The following UMODL1 variants were observed in gnomAD, a reference collection of about 807,000 sequenced individuals.
UMODL1 encodes the protein uromodulin-like 1.
UMODL1 carries 128 observed loss-of-function variants against 136.3 expected under a neutral mutation model. The observed-to-expected ratio is 0.94, with a 90% CI of 0.81 to 1.09. UMODL1 has a LOEUF of 1.09. Ranked by LOEUF, UMODL1 falls within the 50% of genes least tolerant of loss-of-function variation. UMODL1 has a pLI of 0.00. For synonymous variants in UMODL1, 721 were observed against 720.0 expected, an observed-to-expected ratio of 1.00 and a Z score of -0.02; for missense variants, 1,766 against 1,725.6, an observed-to-expected ratio of 1.02 and a Z score of -0.41.
intron 1 of UMODL1, among the ~76,000 whole-genome samples, chr21:42,073,575 C>T (rs879429324): frequency 6.6e-6 from 1 of 152,186 alleles, no homozygotes; most frequent in Non-Finnish European, 1.5e-5. Flanking sequence ...GTGTGTGGTC[C>T]AGCACCTGTG....
intron 1 of UMODL1, among the ~76,000 whole-genome samples, chr21:42,073,003 G>A (rs1330036841): frequency 1.5e-5 from 2 of 135,330 alleles, no homozygotes; most frequent in East Asian, 4.2e-4. Flanking sequence ...TTCCACAGGA[G>A]ATGAGTGTGT....
intron 6 of UMODL1, 78 bp downstream of exon 6, chr21:42,090,516 TACA>T (rs1329199196): frequency 1.3e-6 from 2 of 1,537,330 alleles, no homozygotes; most frequent in Admixed American, 1.8e-5. Flanking sequence ...CAGCAGTGCT[TACA>T]GCTGCAGCAT....
At chr21:42,128,894 G>A (rs886734034) in intron 20 of UMODL1, among the ~76,000 whole-genome samples, 6 of 152,170 alleles carry the variant, frequency 3.9e-5, no homozygotes, top group African/African-American at 1.2e-4. Context: ...CAAACTGAGC[G>A]GCTTAAACAG....
intron 5 of UMODL1, among the ~76,000 whole-genome samples, chr21:42,090,063 C>T (rs1042004596): frequency 3.3e-5 from 5 of 152,192 alleles, no homozygotes; most frequent in Admixed American, 6.5e-5. Flanking sequence ...GTGAGCCAGC[C>T]GCGAGCCCTG....
intron 21 of UMODL1, among the ~76,000 whole-genome samples, chr21:42,132,329 G>C (rs898768517): frequency 4.1e-5 from 6 of 146,394 alleles, no homozygotes; most frequent in Non-Finnish European, 9.0e-5. Context: ...ATCCATCCAT[G>C]TATCCATTGT....
intron 7 of UMODL1, among the ~76,000 whole-genome samples, chr21:42,100,946 T>C (rs1217928920): frequency 1.1e-5 from 1 of 93,758 alleles, no homozygotes; most frequent in African/African-American, 4.2e-5. Flanking sequence ...TCACCCTCCC[T>C]ACCCACCAAC....
chr21:42,074,037 G>T (rs940979227), intron 1 of UMODL1, among the ~76,000 whole-genome samples: 1 of 152,234 alleles, frequency 6.6e-6, no homozygotes, highest in Non-Finnish European at 1.5e-5. Flanking sequence ...ATCCCTGTGT[G>T]CACTGGCTAG....
In UMODL1 at chr21:42,076,214, G is replaced by A; in HGVS notation, c.286G>A (p.Gly96Ser). Residue 96 changes from glycine (G) to serine (S), a missense_variant, in exon 2 of 23, where the codon GGC (glycine) becomes AGC (serine). Transcript: ENST00000408910. ...ESRNVTDCCEGYEQLGLYCVL... is the reference protein window; with the variant it reads ...ESRNVTDCCESYEQLGLYCVL... Reference sequence around the variant, plus strand: ...CAGGAACGTGACTGACTGCTGTGAGGGCTATGAACAGCTCGGCCTCTACTG... The same window carrying A: ...CAGGAACGTGACTGACTGCTGTGAGAGCTATGAACAGCTCGGCCTCTACTG... 2 of 1,614,246 alleles carry A rather than the reference G, an allele frequency of 1.2e-6. No homozygotes were observed. Among genetic ancestry groups the A allele is most frequent in the Non-Finnish European group, 1.7e-6 (2 of 1,180,040 alleles).
chr21:42,121,220 T>G lies in UMODL1; in HGVS notation c.2823T>G (p.Cys941Trp), dbSNP rs2066967205. The stretch of plus-strand genomic sequence containing the variant: ...CTGTGGAATATTCTGAGAGACCCTG[T>G]GAAGGTAATGTCGTCAGAGTTTCTT... ...DFPVEYSERPCEGDSPGNETW... is the reference protein window; with the variant it reads ...DFPVEYSERPWEGDSPGNETW... The change falls in exon 16 of 23, where the codon TGT (cysteine) becomes TGG (tryptophan). Residue 941 changes from cysteine (C) to tryptophan (W), a missense_variant. Transcript: ENST00000408910. The G allele has an allele frequency of 1.2e-6, 2 of 1,611,158 alleles. No individual in the cohort carries two copies. Among genetic ancestry groups the G allele is most frequent in the Admixed American group, 1.7e-5 (1 of 59,438 alleles).
upstream of UMODL1, among the ~76,000 whole-genome samples, chr21:42,068,298 C>T (rs186773933): frequency 5.3e-4 from 80 of 152,316 alleles, no homozygotes; most frequent in Non-Finnish European, 1.0e-3. The surrounding 1 kb of genome is among the most constrained non-coding windows in gnomAD (Gnocchi z 5.5). Flanking sequence ...GGCCTATCCT[C>T]CAGTGCCTGA....
At chr21:42,119,002 C>A in intron 14 of UMODL1, 109 bp from the exon 15 acceptor site, 1 of 1,152,604 alleles carries the variant, frequency 8.7e-7, no homozygotes, top group Non-Finnish European at 1.2e-6. Flanking sequence ...TTACTTTGTG[C>A]CACGGGCCAG....
rs2146499724 is a variant in UMODL1, at chr21:42,109,801, T to C, written c.1657+102T>C. On this transcript the variant is annotated intron_variant, in intron 10 of 22. Coordinates refer to ENST00000408910, the MANE Select transcript of UMODL1 (RefSeq NM_001004416.3). ...CCATAGGCACAGGGCTGAGGACCTA[T>C]GGTAATGTTAGGGGCCTACAGAAAT... 6 of 1,328,254 alleles carry C rather than the reference T, an allele frequency of 4.5e-6. No homozygotes were observed. In the South Asian group the frequency reaches 8.1e-5, roughly 18 times the overall value. The allele number at this position is 1,328,254 out of a possible 1,614,324, so 82.3% of individuals were successfully genotyped here.
At position 42,122,205 on chromosome 21, in the gene UMODL1, C is replaced by A. The variant is rs961801295; in HGVS notation, c.2828-626C>A. On this transcript the variant is annotated intron_variant, in intron 16 of 22. Coordinates refer to ENST00000408910, the MANE Select transcript of UMODL1 (RefSeq NM_001004416.3). This position sits in a 1 kb window ranked among gnomAD's most constrained non-coding sequence, Gnocchi z 4.3. Reference sequence around the variant, plus strand: ...GCTGAAGGAGGGTGGAGGGCACGTGCGGAGCTGTGTCTGGGGTCTGCTTCC... The same window carrying A: ...GCTGAAGGAGGGTGGAGGGCACGTGAGGAGCTGTGTCTGGGGTCTGCTTCC... Among the ~76,000 whole-genome samples the A allele has an allele frequency of 6.6e-6, 1 of 152,098 alleles. No homozygotes were observed. The highest frequency in any genetic ancestry group is 1.5e-5 in the Non-Finnish European group (1 of 68,022).
In UMODL1 at chr21:42,102,523, A is replaced by G. The variant is rs185644981; in HGVS notation, c.1299+245A>G. ...CTTTAAGATATGTGCCTTTATTCAAATGGTGTACACCACTTACTCCTACTG... is the reference window on the plus strand; with the variant it reads ...CTTTAAGATATGTGCCTTTATTCAAGTGGTGTACACCACTTACTCCTACTG... On this transcript the variant is annotated intron_variant, in intron 8 of 22. Transcript: ENST00000408910. 28 of 340,768 alleles carry G rather than the reference A, an allele frequency of 8.2e-5. No individual in the cohort carries two copies. In the Admixed American group the frequency reaches 1.2e-3, roughly 15 times the overall value. 21.1% of individuals were successfully genotyped at this position (340,768 alleles called of 1,614,324 possible).
At chr21:42,125,907 C>T (rs1490848600) in intron 17 of UMODL1, among the ~76,000 whole-genome samples, 1 of 152,214 alleles carries the variant, frequency 6.6e-6, no homozygotes, top group East Asian at 1.9e-4. Context: ...AGCCTGCAGC[C>T]GGCAGCTCCC....
intron 8 of UMODL1, chr21:42,103,577 A>G (rs1054920617): frequency 4.1e-5 from 22 of 530,286 alleles, no homozygotes; most frequent in African/African-American, 4.0e-4. Flanking sequence ...AGTTTTCAGG[A>G]CACTCAGAGG....
At chr21:42,078,252 CA>C (rs1480407032) in intron 2 of UMODL1, among the ~76,000 whole-genome samples, 1 of 52,230 alleles carries the variant, frequency 1.9e-5, no homozygotes, top group African/African-American at 1.2e-4. Flanking sequence ...CAGGCGGGGC[CA>C]GCTGACCCCA....
chr21:42,106,075 A>C (rs2066712110), intron 9 of UMODL1, among the ~76,000 whole-genome samples: 2 of 152,150 alleles, frequency 1.3e-5, no homozygotes, highest in Non-Finnish European at 2.9e-5. Flanking sequence ...CTGGGGGGTC[A>C]GCTGTGTGGC....
At chr21:42,074,732 G>A (rs1220724739) in intron 1 of UMODL1, among the ~76,000 whole-genome samples, 1 of 151,952 alleles carries the variant, frequency 6.6e-6, no homozygotes, top group Non-Finnish European at 1.5e-5. Context: ...AGTTGAACTG[G>A]TCTTTTTTTT....
Sources: allele counts gnomAD v4.1 joint callset (sites outside exome capture counted in the v4.1 genomes callset), GRCh38; gene constraint gnomAD v4.1.1; non-coding constraint Gnocchi (gnomAD v3.1); transcripts MANE v1.5; gene names NCBI Gene and HGNC (gene_info 2026-07-23, HGNC 2026-07-21).